Variants in HTR4 observed in about 807,000 individuals in gnomAD.
HTR4 encodes the protein 5-hydroxytryptamine receptor 4.
In HTR4, 16 loss-of-function variants were observed where a neutral mutation model predicts 36.8. That is an observed-to-expected ratio of 0.43 (90% CI 0.29 to 0.66). The LOEUF is 0.66. Ranked by LOEUF, HTR4 falls within the 30% of genes least tolerant of loss-of-function variation. The pLI is 0.13. For missense variants in HTR4, 438 were observed against 490.9 expected (o/e 0.89, Z 1.02); for synonymous variants, 189 against 185.1 (o/e 1.02, Z -0.17).
At chr5:148,600,634 A>C (rs1372053891) in intron 2 of HTR4, among the ~76,000 whole-genome samples, 1 of 151,874 alleles carries the variant, frequency 6.6e-6, no homozygotes, top group East Asian at 1.9e-4. Context: ...CAATAATTTC[A>C]AAAGAATAAA....
intron 5 of HTR4, among the ~76,000 whole-genome samples, chr5:148,518,390 T>C (rs1239181908): frequency 1.3e-5 from 2 of 152,160 alleles, no homozygotes; most frequent in African/African-American, 4.8e-5. Context: ...GCTCGATAAA[T>C]AATTAATTAT....
intron 1 of HTR4, chr5:148,645,214 T>C (rs1156834480): frequency 1.3e-5 from 2 of 152,164 alleles, no homozygotes; most frequent in Admixed American, 6.5e-5. Context: ...GGTGGCACTT[T>C]TTTCTGTAAA....
chr5:148,608,997 G>A (rs2127277677), intron 2 of HTR4, among the ~76,000 whole-genome samples: 1 of 152,274 alleles, frequency 6.6e-6, no homozygotes, highest in South Asian at 2.1e-4. Flanking sequence ...CAACAGACAA[G>A]GGACTGGTTC....
chr5:148,523,676 T>C (rs1410082780), intron 4 of HTR4, among the ~76,000 whole-genome samples: 1 of 152,176 alleles, frequency 6.6e-6, no homozygotes, highest in Admixed American at 6.5e-5. Context: ...TATTAATATA[T>C]ACTTTGGATC....
chr5:148,620,615 ATATGT>A (rs1229880171), intron 2 of HTR4, among the ~76,000 whole-genome samples: 1 of 152,242 alleles, frequency 6.6e-6, no homozygotes, highest in East Asian at 1.9e-4. Flanking sequence ...AATACTTTAG[ATATGT>A]TAAGTTAAAT....
chr5:148,566,797 T>C (rs905848760), intron 2 of HTR4, among the ~76,000 whole-genome samples: 15 of 152,110 alleles, frequency 9.9e-5, no homozygotes, highest in African/African-American at 3.4e-4. Flanking sequence ...GACATACCTG[T>C]ATTTATTACA....
chr5:148,578,414 G>T (rs532219064), intron 2 of HTR4, among the ~76,000 whole-genome samples: 1 of 152,128 alleles, frequency 6.6e-6, no homozygotes, highest in East Asian at 1.9e-4. Flanking sequence ...TTAGTTATTA[G>T]TTCTTTTCCA....
chr5:148,521,133 A>G (rs1241727561), intron 5 of HTR4, among the ~76,000 whole-genome samples: 1 of 152,226 alleles, frequency 6.6e-6, no homozygotes, highest in Non-Finnish European at 1.5e-5. Context: ...CAACTTCCTT[A>G]TGGAATATAT....
chr5:148,519,682 G>A (rs1050286634), intron 5 of HTR4, among the ~76,000 whole-genome samples: 1 of 152,188 alleles, frequency 6.6e-6, no homozygotes, highest in African/African-American at 2.4e-5. Context: ...GCACAAAGCA[G>A]TGGAAGCATT....
At chr5:148,643,874 C>A (rs753716443) in intron 1 of HTR4, among the ~76,000 whole-genome samples, 1 of 152,104 alleles carries the variant, frequency 6.6e-6, no homozygotes, top group Admixed American at 6.6e-5. Context: ...GCCAGAAAGC[C>A]ATCAGATAGT....
chr5:148,456,849 T>A (rs944611884), intron 5 of HTR4, among the ~76,000 whole-genome samples: 1 of 152,250 alleles, frequency 6.6e-6, no homozygotes, highest in Non-Finnish European at 1.5e-5. Context: ...GCACATATAA[T>A]GTTTATTGGA....
At position 148,454,964 on chromosome 5, in the gene HTR4, T is replaced by C. The variant is rs150288615; in HGVS notation, c.1077-3692A>G. Reference sequence around the variant, plus strand: ...TAGGAAATGGGGCTACGCTTTAGTATCTGAGGTGCAGGGATATCCCTGAAG... The same window carrying C: ...TAGGAAATGGGGCTACGCTTTAGTACCTGAGGTGCAGGGATATCCCTGAAG... On this transcript the variant is annotated intron_variant, in intron 5 of 5. Transcript: ENST00000521530. Among the ~76,000 whole-genome samples, 339 of 152,278 alleles carry C rather than the reference T, an allele frequency of 2.2e-3. 1 individual carries two copies. Among genetic ancestry groups the C allele is most frequent in the African/African-American group, 7.3e-3 (303 of 41,566 alleles).
At chr5:148,457,948 A>ATT (rs1755151620) in intron 5 of HTR4, among the ~76,000 whole-genome samples, 2 of 136,590 alleles carry the variant, frequency 1.5e-5, no homozygotes, top group Admixed American at 7.6e-5. Context: ...TTTAAGATAT[A>ATT]TTAAATATAT....
At chr5:148,614,044 A>G (rs1752556084) in intron 2 of HTR4, among the ~76,000 whole-genome samples, 1 of 151,612 alleles carries the variant, frequency 6.6e-6, no homozygotes, top group African/African-American at 2.4e-5. Context: ...ATACAAACAA[A>G]TGGAAGAACA....
intron 2 of HTR4, among the ~76,000 whole-genome samples, chr5:148,634,541 G>A (rs776504406): frequency 1.4e-4 from 22 of 152,138 alleles, no homozygotes; most frequent in Non-Finnish European, 2.9e-4. Flanking sequence ...GATAATACTA[G>A]TTTATAGCCC....
chr5:148,527,763 A>G (rs996463337), intron 4 of HTR4, among the ~76,000 whole-genome samples: 2 of 152,140 alleles, frequency 1.3e-5, no homozygotes, highest in African/African-American at 4.8e-5. Flanking sequence ...ACAGGCGTGC[A>G]CCACCACACC....
chr5:148,555,103 C>T (rs888156973), intron 2 of HTR4, among the ~76,000 whole-genome samples: 2 of 152,038 alleles, frequency 1.3e-5, no homozygotes, highest in Non-Finnish European at 2.9e-5. Context: ...TGGATGACCA[C>T]ATATCAAGGT....
intron 6 of HTR4, among the ~76,000 whole-genome samples, chr5:148,485,647 G>T (rs542201382): frequency 6.6e-6 from 1 of 152,252 alleles, no homozygotes; most frequent in East Asian, 1.9e-4. Context: ...ATTGCCAAGT[G>T]GAACCCCATG....
downstream of HTR4, among the ~76,000 whole-genome samples, chr5:148,479,123 G>C (rs1027969448): frequency 2.6e-5 from 4 of 152,122 alleles, no homozygotes; most frequent in African/African-American, 9.7e-5. Context: ...TCTGAGAGTA[G>C]CTGGACAGGA....
Sources: gnomAD v4.1 joint callset for allele counts (sites outside exome capture counted in the v4.1 genomes callset) on GRCh38, gnomAD v4.1.1 for gene constraint, MANE v1.5 for transcripts, NCBI Gene and HGNC (gene_info 2026-07-23, HGNC 2026-07-21) for gene names.